CDON: variants seen among roughly 807,000 people sequenced by gnomAD.
CDON encodes cell adhesion associated, oncogene regulated.
In CDON, 73 loss-of-function variants were observed where a neutral mutation model predicts 120.9. The observed-to-expected ratio is 0.60, with a 90% CI of 0.50 to 0.73. The LOEUF (loss-of-function observed/expected upper bound fraction) is 0.73, where lower values mean the gene tolerates loss of function less well. Among genes scored for constraint, CDON ranks in the 30% least tolerant of loss-of-function variants. The pLI is 0.00. For synonymous variants in CDON, 566 were observed against 573.5 expected, an observed-to-expected ratio of 0.99 and a Z score of 0.19; for missense variants, 1,470 against 1,587.3, an observed-to-expected ratio of 0.93 and a Z score of 1.26.
chr11:125,987,737 C>T (rs1946510206), intron 15 of CDON, among the ~76,000 whole-genome samples: 1 of 152,152 alleles, frequency 6.6e-6, no homozygotes, highest in Non-Finnish European at 1.5e-5. Context: ...TGATAAATTT[C>T]ATTTTTATTT....
intron 2 of CDON, 35 bp from the exon 3 acceptor site, chr11:126,021,555 A>G: frequency 1.9e-6 from 3 of 1,591,830 alleles, no homozygotes; most frequent in Non-Finnish European, 2.6e-6. Context: ...CAAAGAAAGC[A>G]GGGGAGAAAA....
At chr11:125,984,947 C>A (rs543620996) in intron 15 of CDON, among the ~76,000 whole-genome samples, 1 of 152,104 alleles carries the variant, frequency 6.6e-6, no homozygotes, top group African/African-American at 2.4e-5. Context: ...TACTTTTACC[C>A]GGTTCATCGG....
Position 126,042,996 on chromosome 11 carries a change from T to A in CDON, c.-61-19459A>T, listed in dbSNP as rs550654906. On this transcript the variant is annotated intron_variant, in intron 1 of 19. Transcript: ENST00000531738. The stretch of plus-strand genomic sequence containing the variant: ...AACCTAAGGCTGTTTCACACCGACT[T>A]CCTAGAACTAAATTGAAAGGAAAAT... 6.6e-5 allele frequency among the ~76,000 whole-genome samples: 10 copies of A among 152,254 alleles called. No homozygotes were observed. The South Asian group carries it at 1.5e-3, about 22-fold the overall frequency.
intron 6 of CDON, among the ~76,000 whole-genome samples, chr11:126,016,313 T>A (rs1403971314): frequency 6.6e-6 from 1 of 152,224 alleles, no homozygotes; most frequent in African/African-American, 2.4e-5. Flanking sequence ...AACAAAGGAA[T>A]AGCTTTGAAA....
chr11:125,992,454 T>C (rs1946658632), intron 14 of CDON, among the ~76,000 whole-genome samples: 1 of 152,202 alleles, frequency 6.6e-6, no homozygotes, highest in African/African-American at 2.4e-5. Flanking sequence ...GGTACCCATA[T>C]CTAAGTCAAC....
intron 17 of CDON, 59 bp from the exon 18 acceptor site, chr11:125,978,442 C>G (rs1946204710): frequency 3.8e-6 from 4 of 1,065,332 alleles, no homozygotes; most frequent in Non-Finnish European, 5.7e-6. Context: ...AAGGTACTCA[C>G]AGACCAGTAG....
chr11:125,970,517 G>T (rs1234731381), intron 18 of CDON, among the ~76,000 whole-genome samples: 1 of 152,068 alleles, frequency 6.6e-6, no homozygotes, highest in Non-Finnish European at 1.5e-5. Context: ...GTTTCCACTA[G>T]TCACTGTGTC....
Position 125,961,998 on chromosome 11 carries a change from C to T in CDON, c.3357G>A (p.Arg1119=). The T allele has an allele frequency of 1.2e-6, 2 of 1,613,350 alleles. No individual in the cohort carries two copies. Among genetic ancestry groups the T allele is most frequent in the Middle Eastern group, 1.6e-4 (1 of 6,062 alleles). Residue 1119 remains arginine, a splice_region_variant and synonymous_variant, in exon 19 of 20, where the codon AGG becomes AGA. Transcript: ENST00000531738. ...VNCRNCRNNN[R]CFTKTNSTFS... ...AAGTGCTGTTGGTTTTGGTGAAACACCTGCAGAGGTTAAACCAAAAGAAAC... is the reference window on the plus strand; with the variant it reads ...AAGTGCTGTTGGTTTTGGTGAAACATCTGCAGAGGTTAAACCAAAAGAAAC...
chr11:126,029,017 A>C (rs1346241824), intron 1 of CDON, among the ~76,000 whole-genome samples: 3 of 152,098 alleles, frequency 2.0e-5, no homozygotes, highest in Non-Finnish European at 4.4e-5. Context: ...TGTTCCAAAA[A>C]GAGGCCCCCA....
chr11:125,994,199 T>A, intron 14 of CDON, 85 bp downstream of exon 14: 1 of 780,274 alleles, frequency 1.3e-6, no homozygotes, highest in Admixed American at 1.9e-5. Flanking sequence ...TGTACTGTCT[T>A]AATTTGGGAT....
At chr11:125,961,593 C>T in intron 19 of CDON, 131 bp downstream of exon 19, 1 of 1,254,450 alleles carries the variant, frequency 8.0e-7, no homozygotes, top group Non-Finnish European at 1.1e-6. Context: ...GACCCAGCAC[C>T]CCACCCAGTC....
At chr11:125,973,746 C>T (rs1390166038) in intron 18 of CDON, among the ~76,000 whole-genome samples, 1 of 152,168 alleles carries the variant, frequency 6.6e-6, no homozygotes, top group Non-Finnish European at 1.5e-5. Flanking sequence ...AAGCTCTAAA[C>T]TTATTTCCTT....
rs781096072 is a variant in CDON at position 125,981,124 on chromosome 11, T to A, written c.3201A>T (p.Gly1067=). Residue 1067 remains glycine (G), a synonymous_variant, in exon 17 of 20, where the codon GGA becomes GGT. Transcript: ENST00000531738. Reference sequence around the variant, plus strand: ...AGTTGCTGTGCCCGGAGTAAAGCCCTCCATTTAGGCTCCCATTCACAATTC... The same window carrying A: ...AGTTGCTGTGCCCGGAGTAAAGCCCACCATTTAGGCTCCCATTCACAATTC... ...VNGIVNGSLN[G]GLYSGHSNSL... is the part of the protein sequence containing the mutation. 1.2e-6 allele frequency: 2 copies of A among 1,614,092 alleles called. No homozygotes were observed.
At chr11:126,017,706 C>CT (rs11427608) in intron 5 of CDON, among the ~76,000 whole-genome samples, 15,507 of 140,572 alleles carry the variant, frequency 0.11, 829 homozygotes, top group Admixed American at 0.13. Flanking sequence ...AGACATATCT[C>CT]TTTTTTTTTT....
chr11:126,027,219 C>T (rs1947813837), intron 1 of CDON, among the ~76,000 whole-genome samples: 1 of 151,924 alleles, frequency 6.6e-6, no homozygotes, highest in African/African-American at 2.4e-5. Context: ...ATAATGACAA[C>T]AAGGAGTTGG....
At chr11:126,017,863 T>C (rs2134674073) in intron 5 of CDON, among the ~76,000 whole-genome samples, 1 of 152,326 alleles carries the variant, frequency 6.6e-6, no homozygotes, top group African/African-American at 2.4e-5. Flanking sequence ...AGTTACATTT[T>C]TAAAGCATGT....
chr11:125,959,370 T>C lies in CDON; in HGVS notation c.*1572A>G, dbSNP rs367911589. 15 of 152,154 alleles carry C rather than the reference T, an allele frequency of 9.9e-5. No individual in the cohort carries two copies. The highest frequency in any genetic ancestry group is 1.5e-5 in the Non-Finnish European group (1 of 68,028). 9.4% of individuals were successfully genotyped at this position (152,154 alleles called of 1,614,324 possible). Reference sequence around the variant, plus strand: ...TTTCTTTCCCCAAAGGGATGCACAATGCACAAAGGAGCAGTGATCCTTGAA... The same window carrying C: ...TTTCTTTCCCCAAAGGGATGCACAACGCACAAAGGAGCAGTGATCCTTGAA... On this transcript the variant is annotated 3_prime_UTR_variant, in exon 20 of 20. Coordinates refer to ENST00000531738, the MANE Select transcript of CDON (RefSeq NM_001378964.1).
intron 18 of CDON, 110 bp downstream of exon 18, chr11:125,978,194 G>T: frequency 1.4e-6 from 1 of 740,028 alleles, no homozygotes; most frequent in Non-Finnish European, 2.4e-6. Context: ...TGCAAATCCT[G>T]AACTTTATAT....
rs1261519243 is a variant in CDON at position 126,001,869 on chromosome 11, A to C, written c.2027-19T>G. The C allele has an allele frequency of 6.4e-7, 1 of 1,562,668 alleles. No homozygotes were observed. The highest frequency in any genetic ancestry group is 1.1e-5 in the South Asian group (1 of 90,222). On this transcript the variant is annotated intron_variant, in intron 10 of 19. Transcript: ENST00000531738. ...GTTTTTTCTAGAAAGGTAAATAAAC[A>C]TATACAGTAACATAAGCATATATGT...
Sources: gnomAD v4.1 joint callset for allele counts (sites outside exome capture counted in the v4.1 genomes callset) on GRCh38, gnomAD v4.1.1 for gene constraint, MANE v1.5 for transcripts, NCBI Gene and HGNC (gene_info 2026-07-23, HGNC 2026-07-21) for gene names.